PRIM2: variants seen among roughly 807,000 people sequenced by gnomAD.
PRIM2 encodes DNA primase subunit 2.
A neutral mutation model predicts 67.3 loss-of-function variants in PRIM2; 39 were observed. That is an observed-to-expected ratio of 0.58 (90% confidence interval 0.45 to 0.76). PRIM2 has a LOEUF of 0.76. Among genes scored for constraint, PRIM2 ranks in the 30% least tolerant of loss-of-function variants. PRIM2 has a pLI of 0.00. For missense variants in PRIM2, 398 were observed against 598.7 expected (o/e 0.66, Z 3.50); for synonymous variants, 143 against 198.7 (o/e 0.72, Z 2.36).
chr6:57,286,013 A>G, the PRIM2 span, among the ~76,000 whole-genome samples: 2 of 152,154 alleles, frequency 1.3e-5, no homozygotes, highest in Admixed American at 6.5e-5. Flanking sequence ...CACAATTGCT[A>G]TAAAGAAAAT....
chr6:57,298,095 C>T, the PRIM2 span, among the ~76,000 whole-genome samples: 3 of 152,162 alleles, frequency 2.0e-5, no homozygotes. Context: ...GGTGCCGTGG[C>T]TCATGCCTGT....
chr6:57,450,212 C>G (rs73752218), intron 7 of PRIM2, among the ~76,000 whole-genome samples: 193 of 152,242 alleles, frequency 1.3e-3, no homozygotes, highest in African/African-American at 4.6e-3. Flanking sequence ...ATAAAGCTAG[C>G]AACTTTATAG....
rs117945035 is a variant in PRIM2 at position 57,423,499 on chromosome 6, C to T, written c.693+41331C>T. On this transcript the variant is annotated intron_variant, in intron 7 of 13. Coordinates refer to ENST00000615550, the MANE Select transcript of PRIM2 (RefSeq NM_000947.5). ...TGGATTGGAGGGATGGCGACCTTGC[C>T]AGTTGGAGTGACATGAGTGCAGTGG... 1.2e-3 allele frequency among the ~76,000 whole-genome samples: 189 copies of T among 152,200 alleles called. 4 individuals are homozygous for T. The East Asian group carries it at 0.016, about 13-fold the overall frequency.
At chr6:57,524,083 G>A (rs1318114606) in intron 8 of PRIM2, among the ~76,000 whole-genome samples, 2 of 152,212 alleles carry the variant, frequency 1.3e-5, no homozygotes, top group East Asian at 1.9e-4. Flanking sequence ...ATGCCTTGCT[G>A]TCTTGGTCAT....
chr6:57,451,896 A>G (rs1581917462), intron 7 of PRIM2, among the ~76,000 whole-genome samples: 3 of 151,404 alleles, frequency 2.0e-5, no homozygotes, highest in Admixed American at 2.0e-4. Flanking sequence ...CTCGTCATTT[A>G]ACATTAGGTA....
intron 10 of PRIM2, among the ~76,000 whole-genome samples, chr6:57,591,141 A>G (rs1776275672): frequency 1.3e-5 from 2 of 152,370 alleles, no homozygotes; most frequent in East Asian, 1.9e-4. Context: ...ATTTGGATCT[A>G]TAGGTGACTG....
chr6:57,507,761 C>T (rs1479057451), intron 8 of PRIM2, among the ~76,000 whole-genome samples: 1 of 151,782 alleles, frequency 6.6e-6, no homozygotes, highest in East Asian at 1.9e-4. Context: ...TACGTAAATA[C>T]AAGGTTAAGG....
At chr6:57,544,043 T>A (rs1331184066) in intron 10 of PRIM2, among the ~76,000 whole-genome samples, 28,091 of 152,084 alleles carry the variant, frequency 0.18, 2,745 homozygotes, top group South Asian at 0.21. Flanking sequence ...TTTGATGTTG[T>A]AAGAGTTAAA....
intron 12 of PRIM2, among the ~76,000 whole-genome samples, chr6:57,619,252 C>T (rs1776809143): frequency 1.3e-5 from 2 of 152,138 alleles, no homozygotes; most frequent in Non-Finnish European, 2.9e-5. Context: ...ACCCTGTGCA[C>T]TAGAATCTGA....
the PRIM2 span, among the ~76,000 whole-genome samples, chr6:57,279,594 G>A: frequency 6.6e-6 from 1 of 152,164 alleles, no homozygotes; most frequent in African/African-American, 2.4e-5. Context: ...ATCTAGGGAT[G>A]TTAGGGGAAG....
rs1777333092 is a variant in PRIM2 at position 57,646,259 on chromosome 6, C to T, written c.*101C>T. On this transcript the variant is annotated 3_prime_UTR_variant, in exon 14 of 14. Transcript: ENST00000615550. ...TTCACTCTGTCACCAAGGCTTAGTG[C>T]AGTGACACAATTACAGCTGATTGCA... 7.9e-6 allele frequency: 5 copies of T among 632,940 alleles called. No individual in the cohort carries two copies. In the Admixed American group the frequency reaches 8.5e-5, roughly 11 times the overall value. The allele number at this position is 632,940 out of a possible 1,614,324, so 39.2% of individuals were successfully genotyped here. A position where few individuals can be genotyped will look rare whatever the true frequency, so the allele number is the denominator to read the frequency against.
intron 7 of PRIM2, among the ~76,000 whole-genome samples, chr6:57,462,277 G>A (rs577369280): frequency 6.6e-6 from 1 of 152,186 alleles, no homozygotes; most frequent in Non-Finnish European, 1.5e-5. Flanking sequence ...TACAAAAATC[G>A]AGGAAATGGA....
chr6:57,512,514 G>A (rs1455475903), intron 8 of PRIM2, among the ~76,000 whole-genome samples: 22 of 152,120 alleles, frequency 1.4e-4, no homozygotes, highest in Non-Finnish European at 2.2e-4. Flanking sequence ...GATGGTAGAT[G>A]GTTATTTATC....
intron 11 of PRIM2, among the ~76,000 whole-genome samples, chr6:57,602,113 G>A (rs1299251694): frequency 6.7e-6 from 1 of 149,706 alleles, no homozygotes; most frequent in African/African-American, 2.5e-5. Flanking sequence ...AGGCTGGAGT[G>A]CAATGGCGCG....
chr6:57,418,383 G>GGTTTTTTTTTTTTTTTT lies in PRIM2; in HGVS notation c.693+36215_693+36216insGTTTTTTTTTTTTTTTT, dbSNP rs1554336216. 4.2e-4 allele frequency among the ~76,000 whole-genome samples: 20 copies of GGTTTTTTTTTTTTTTTT among 47,234 alleles called. 5 individuals carry two copies. Among genetic ancestry groups the GGTTTTTTTTTTTTTTTT allele is most frequent in the East Asian group, 2.1e-3 (4 of 1,890 alleles). 31.0% of individuals were successfully genotyped at this position (47,234 alleles called of 152,430 possible). On this transcript the variant is annotated intron_variant, in intron 7 of 13. Coordinates refer to ENST00000615550, the MANE Select transcript of PRIM2 (RefSeq NM_000947.5). ...TAAGGTAATGTTTCCTATGTGTGTG[G>GGTTTTTTTTTTTTTTTT]TTTTTTTTTTTTTTTTTTTTTTTTT...
chr6:57,475,720 T>C (rs1345130264), intron 7 of PRIM2, among the ~76,000 whole-genome samples: 2 of 152,238 alleles, frequency 1.3e-5, no homozygotes, highest in African/African-American at 4.8e-5. Flanking sequence ...CAAAGTTGCA[T>C]AGCTAGACTA....
chr6:57,594,153 ATGACT>A (rs1317415934), intron 10 of PRIM2, among the ~76,000 whole-genome samples: 1 of 152,244 alleles, frequency 6.6e-6, no homozygotes, highest in Non-Finnish European at 1.5e-5. Context: ...GAAATTAATG[ATGACT>A]TGAAAGTCTT....
At chr6:57,630,643 G>A (rs1391993407) in intron 12 of PRIM2, among the ~76,000 whole-genome samples, 1 of 150,780 alleles carries the variant, frequency 6.6e-6, no homozygotes, top group Non-Finnish European at 1.5e-5. Flanking sequence ...TTATTTCTGT[G>A]AATCCATTTC....
At position 57,318,594 on chromosome 6, in the gene PRIM2, T is replaced by G. The variant is rs1767552561; in HGVS notation, c.149T>G (p.Val50Gly). Reference sequence around the variant, plus strand: ...TTTGAAAACTTGGCTATTGATAGAGTTAAATGTAAGTACTATTTAAATTAG... The same window carrying G: ...TTTGAAAACTTGGCTATTGATAGAGGTAAATGTAAGTACTATTTAAATTAG... ...IEFENLAIDR[V>G]KLLKSVENLG... The change falls in exon 2 of 14, where the codon GTT (valine) becomes GGT (glycine). Residue 50 changes from valine to glycine, a missense_variant. Val to Gly is a moderately radical substitution (Grantham distance 109). Coordinates refer to ENST00000615550, the MANE Select transcript of PRIM2 (RefSeq NM_000947.5). The G allele has an allele frequency of 6.4e-7, 1 of 1,555,706 alleles. No homozygotes were observed. The highest frequency in any genetic ancestry group is 1.9e-5 in the Admixed American group (1 of 52,184).
Sources: gnomAD v4.1 joint callset for allele counts (sites outside exome capture counted in the v4.1 genomes callset) on GRCh38, gnomAD v4.1.1 for gene constraint, MANE v1.5 for transcripts, NCBI Gene and HGNC (gene_info 2026-07-23, HGNC 2026-07-21) for gene names.